Variants in NCAM2 observed in about 807,000 individuals in gnomAD.
The protein encoded by NCAM2 is N-CAM-2.
A neutral mutation model predicts 98.1 loss-of-function variants in NCAM2; 30 were observed. The observed-to-expected ratio is 0.31, with a 90% confidence interval of 0.23 to 0.41. The LOEUF is 0.41. Among genes scored for constraint, NCAM2 ranks in the 10% least tolerant of loss-of-function variants. NCAM2 has a pLI of 1.00. For missense variants in NCAM2, 867 were observed against 1,005.8 expected, an observed-to-expected ratio of 0.86 and a Z score of 1.87; for synonymous variants, 368 against 342.4, an observed-to-expected ratio of 1.07 and a Z score of -0.83.
intron 1 of NCAM2, among the ~76,000 whole-genome samples, chr21:21,048,778 GTC>G (rs1337119746): frequency 4.6e-5 from 7 of 152,086 alleles, no homozygotes; most frequent in Non-Finnish European, 4.4e-5. Context: ...ACAGGCCATG[GTC>G]TCTCATATTT....
chr21:21,310,066 T>A (rs1158866559), intron 5 of NCAM2, among the ~76,000 whole-genome samples: 1 of 152,216 alleles, frequency 6.6e-6, no homozygotes, highest in Non-Finnish European at 1.5e-5. Context: ...GAAAAATGTA[T>A]CCTAGTAATA....
At chr21:21,201,628 A>G (rs2069224504) in intron 1 of NCAM2, among the ~76,000 whole-genome samples, 1 of 152,208 alleles carries the variant, frequency 6.6e-6, no homozygotes, top group Non-Finnish European at 1.5e-5. Context: ...AAACTTGGGT[A>G]CACAATGTAG....
intron 6 of NCAM2, among the ~76,000 whole-genome samples, chr21:21,324,893 G>T (rs1218188088): frequency 6.6e-6 from 1 of 151,900 alleles, no homozygotes; most frequent in Admixed American, 6.6e-5. Context: ...GAATATAATT[G>T]TGTATATTTG....
chr21:21,536,639 C>T (rs1418040020), intron 17 of NCAM2, among the ~76,000 whole-genome samples: 1 of 152,132 alleles, frequency 6.6e-6, no homozygotes, highest in Non-Finnish European at 1.5e-5. Flanking sequence ...ATCCGCCCGC[C>T]TTGGCCTCCC....
chr21:21,160,707 T>G (rs966981740), intron 1 of NCAM2, among the ~76,000 whole-genome samples: 13 of 151,934 alleles, frequency 8.6e-5, no homozygotes, highest in Non-Finnish European at 1.9e-4. Flanking sequence ...CAATACTGAG[T>G]ATGGTAAAAT....
In NCAM2 at chr21:21,317,587, C is replaced by T. The variant is rs572366684; in HGVS notation, c.620-6796C>T. ...ATAGAGTCTTGCTCTGTTGACCAGGCAGTGACACAATCACAGGTCACTACA... is the reference window on the plus strand; with the variant it reads ...ATAGAGTCTTGCTCTGTTGACCAGGTAGTGACACAATCACAGGTCACTACA... On this transcript the variant is annotated intron_variant, in intron 5 of 17. Transcript: ENST00000400546. 4.6e-5 allele frequency among the ~76,000 whole-genome samples: 7 copies of T among 152,188 alleles called. No homozygotes were observed. The East Asian group carries it at 1.4e-3, about 29-fold the overall frequency.
In NCAM2 at chr21:21,468,714, T is replaced by TATA. The variant is rs1160280232; in HGVS notation, c.1828_1829insTAA (p.Phe609_Lys610insIle). 16 of 1,612,028 alleles carry TATA rather than the reference T, an allele frequency of 9.9e-6. No individual in the cohort carries two copies. The highest frequency in any genetic ancestry group is 1.4e-5 in the Non-Finnish European group (16 of 1,178,780). On this transcript the variant is annotated inframe_insertion, in exon 14 of 18. Transcript: ENST00000400546. ...GACAGCCAAGCAGTGGAAAGAGCTT[T>TATA]AAACTCAGCATCACCAAACAGGACG... is the stretch of plus-strand genomic sequence containing the variant.
intron 12 of NCAM2, among the ~76,000 whole-genome samples, chr21:21,458,929 A>G (rs1982559053): frequency 6.6e-6 from 1 of 152,194 alleles, no homozygotes; most frequent in Non-Finnish European, 1.5e-5. Flanking sequence ...ATAGGAGATC[A>G]TATTTGTCAG....
intron 6 of NCAM2, among the ~76,000 whole-genome samples, chr21:21,326,098 G>A (rs1299514100): frequency 2.0e-5 from 3 of 152,168 alleles, no homozygotes; most frequent in Admixed American, 1.3e-4. Flanking sequence ...AAAGGAACAT[G>A]TTTCTTTATC....
intron 11 of NCAM2, among the ~76,000 whole-genome samples, chr21:21,428,272 T>TA (rs2077258356): frequency 6.6e-6 from 1 of 152,192 alleles, no homozygotes; most frequent in Non-Finnish European, 1.5e-5. Flanking sequence ...AATGAAGGAA[T>TA]AATAGTGTGT....
intron 4 of NCAM2, among the ~76,000 whole-genome samples, chr21:21,290,848 T>G (rs1265917179): frequency 6.6e-6 from 1 of 151,752 alleles, no homozygotes; most frequent in South Asian, 2.1e-4. Context: ...CAAATTGGAG[T>G]GGCCTACTAC....
chr21:21,388,235 A>G (rs1204941959), intron 9 of NCAM2, among the ~76,000 whole-genome samples: 2 of 152,228 alleles, frequency 1.3e-5, no homozygotes, highest in East Asian at 1.9e-4. Flanking sequence ...ACATCAGTTC[A>G]TCAGGGTAAT....
Position 21,418,520 on chromosome 21 carries a change from C to T in NCAM2, c.1431C>T (p.Ala477=). ...DNDFGRYNCT[A]TNHIGTRFQE... ...ACTTTGGACGCTATAATTGCACAGC[C>T]ACTAATCATATAGGAACAAGATTTC... The change falls in exon 11 of 18, where the codon GCC becomes GCT. Residue 477 remains alanine, a synonymous_variant. Transcript: ENST00000400546. The T allele has an allele frequency of 6.2e-7, 1 of 1,612,520 alleles. No individual in the cohort carries two copies. Among genetic ancestry groups the T allele is most frequent in the Admixed American group, 1.7e-5 (1 of 60,016 alleles).
At chr21:21,231,315 C>A (rs1228896851) in intron 1 of NCAM2, among the ~76,000 whole-genome samples, 1 of 151,156 alleles carries the variant, frequency 6.6e-6, no homozygotes, top group African/African-American at 2.4e-5. Flanking sequence ...GGCAGTTATC[C>A]CTTTTATAAT....
At chr21:21,439,954 C>A (rs1354019679) in intron 12 of NCAM2, among the ~76,000 whole-genome samples, 1 of 152,104 alleles carries the variant, frequency 6.6e-6, no homozygotes, top group Non-Finnish European at 1.5e-5. Flanking sequence ...TGAAACTTCC[C>A]AAATCTCTTA....
intron 8 of NCAM2, among the ~76,000 whole-genome samples, chr21:21,340,895 A>G (rs2075012192): frequency 6.6e-6 from 1 of 152,052 alleles, no homozygotes. Context: ...AGTTTTTAAT[A>G]TGAATTTTTT....
At chr21:21,094,324 T>C (rs571682155) in intron 1 of NCAM2, among the ~76,000 whole-genome samples, 1 of 151,952 alleles carries the variant, frequency 6.6e-6, no homozygotes, top group African/African-American at 2.4e-5. Flanking sequence ...GAAAATACAT[T>C]ATCAACTGGA....
chr21:21,342,509 T>C (rs1373866786), intron 8 of NCAM2, among the ~76,000 whole-genome samples: 1 of 152,174 alleles, frequency 6.6e-6, no homozygotes, highest in Admixed American at 6.5e-5. Flanking sequence ...ATGAAGCCTC[T>C]CCAGTATGGC....
chr21:21,337,739 TTGA>T (rs1568950147), intron 7 of NCAM2, among the ~76,000 whole-genome samples: 4 of 151,978 alleles, frequency 2.6e-5, no homozygotes, highest in Non-Finnish European at 1.5e-5. Flanking sequence ...TTTTATACAA[TTGA>T]TGATTAAAAA....
Sources: allele counts gnomAD v4.1 joint callset (sites outside exome capture counted in the v4.1 genomes callset), GRCh38; gene constraint gnomAD v4.1.1; transcripts MANE v1.5; gene names NCBI Gene and HGNC (gene_info 2026-07-23, HGNC 2026-07-21).